The following DNAH14 variants were observed in gnomAD, a reference collection of about 807,000 sequenced individuals.
DNAH14 encodes the protein dynein axonemal heavy chain 14.
DNAH14 carries 478 observed loss-of-function variants against 520.9 expected under a neutral mutation model. That is an observed-to-expected ratio of 0.92 (90% CI 0.85 to 0.99). The LOEUF (loss-of-function observed/expected upper bound fraction) is 0.99. Among genes scored for constraint, DNAH14 ranks in the 50% least tolerant of loss-of-function variants. The pLI is 0.00. For missense variants in DNAH14, 4,831 were observed against 5,234.5 expected (o/e 0.92, Z 2.38); for synonymous variants, 1,581 against 1,757.2 (o/e 0.90, Z 2.51).
At chr1:225,184,121 T>C (rs936433339) in intron 36 of DNAH14, among the ~76,000 whole-genome samples, 2 of 151,928 alleles carry the variant, frequency 1.3e-5, no homozygotes, top group African/African-American at 4.8e-5. Context: ...ACATGCAATA[T>C]CACAATGAAA....
intron 73 of DNAH14, among the ~76,000 whole-genome samples, chr1:225,356,607 A>G (rs1474049817): frequency 6.6e-6 from 1 of 152,196 alleles, no homozygotes; most frequent in East Asian, 1.9e-4. Context: ...AATAATCTGT[A>G]TAGAACAACT....
intron 1 of DNAH14, among the ~76,000 whole-genome samples, chr1:224,941,784 G>C (rs1049908980): frequency 3.2e-4 from 48 of 152,142 alleles, no homozygotes; most frequent in South Asian, 4.1e-4. Flanking sequence ...CCCATTGCTT[G>C]TTTTTGTCAG....
chr1:225,191,030 A>G (rs2085365574), intron 37 of DNAH14, among the ~76,000 whole-genome samples: 2 of 152,018 alleles, frequency 1.3e-5, no homozygotes, highest in Admixed American at 1.3e-4. Context: ...TTGTGTACCC[A>G]TTAATATAGA....
intron 43 of DNAH14, among the ~76,000 whole-genome samples, chr1:225,250,886 C>T (rs1174804432): frequency 6.6e-6 from 1 of 152,050 alleles, no homozygotes; most frequent in African/African-American, 2.4e-5. Context: ...AGTGTGAGAG[C>T]TCCATAAGGG....
intron 61 of DNAH14, among the ~76,000 whole-genome samples, chr1:225,319,552 A>G (rs1418931206): frequency 1.3e-5 from 2 of 152,212 alleles, no homozygotes; most frequent in Admixed American, 1.3e-4. Flanking sequence ...TGATGAAGAG[A>G]TCATATTACA....
intron 44 of DNAH14, among the ~76,000 whole-genome samples, chr1:225,253,009 T>C (rs1001428046): frequency 2.0e-5 from 3 of 152,134 alleles, no homozygotes; most frequent in African/African-American, 7.2e-5. Context: ...TAAATACAAA[T>C]TGAATTGCTT....
chr1:225,155,527 A>AT (rs2080943179), intron 34 of DNAH14, among the ~76,000 whole-genome samples: 2 of 152,216 alleles, frequency 1.3e-5, no homozygotes, highest in African/African-American at 4.8e-5. Context: ...GCACTCATAT[A>AT]TGAAACCCAA....
At chr1:225,260,861 T>G (rs606530) in intron 46 of DNAH14, among the ~76,000 whole-genome samples, 105,904 of 151,956 alleles carry the variant, frequency 0.7, 38,385 homozygotes, top group African/African-American at 0.9. Flanking sequence ...TTCACCTTCT[T>G]GTTATATTTA....
At chr1:225,268,924 A>G (rs1431654484) in intron 49 of DNAH14, among the ~76,000 whole-genome samples, 1 of 152,254 alleles carries the variant, frequency 6.6e-6, no homozygotes, top group Non-Finnish European at 1.5e-5. Flanking sequence ...TATAGATTCA[A>G]TGCCATCCCC....
intron 41 of DNAH14, among the ~76,000 whole-genome samples, chr1:225,213,298 T>G (rs892494397): frequency 1.3e-5 from 2 of 152,168 alleles, no homozygotes; most frequent in Non-Finnish European, 2.9e-5. Context: ...ACCATGCTGT[T>G]TTGGTTACTG....
At chr1:225,027,717 T>C (rs1439132866) in intron 11 of DNAH14, among the ~76,000 whole-genome samples, 1 of 152,102 alleles carries the variant, frequency 6.6e-6, no homozygotes, top group Non-Finnish European at 1.5e-5. Context: ...TCTTTCCCCT[T>C]AATCCAGTCA....
intron 35 of DNAH14, among the ~76,000 whole-genome samples, chr1:225,164,664 T>C (rs538174169): frequency 8.3e-4 from 126 of 152,266 alleles, no homozygotes; most frequent in African/African-American, 2.8e-3. Flanking sequence ...ATGCCTCTTT[T>C]AGCTGATGCC....
chr1:225,188,001 A>G (rs748242802), intron 37 of DNAH14, among the ~76,000 whole-genome samples: 2 of 151,770 alleles, frequency 1.3e-5, no homozygotes, highest in Non-Finnish European at 2.9e-5. Flanking sequence ...TTCCCCACTA[A>G]ATGATCTTGG....
At chr1:225,368,918 T>C (rs2095584384) in intron 77 of DNAH14, among the ~76,000 whole-genome samples, 1 of 152,206 alleles carries the variant, frequency 6.6e-6, no homozygotes, top group African/African-American at 2.4e-5. Context: ...GCATTTGGGA[T>C]ATTTATTTAA....
chr1:225,218,697 C>A (rs557229677), intron 41 of DNAH14, among the ~76,000 whole-genome samples: 1 of 152,174 alleles, frequency 6.6e-6, no homozygotes, highest in African/African-American at 2.4e-5. Context: ...GACTTAGACT[C>A]CCACACAATA....
intron 84 of DNAH14, among the ~76,000 whole-genome samples, chr1:225,398,279 G>C (rs1055366371): frequency 6.6e-6 from 1 of 152,150 alleles, no homozygotes; most frequent in South Asian, 2.1e-4. Flanking sequence ...TGCTGAGGAA[G>C]GGTGTCATGG....
chr1:225,349,145 A>T (rs2095329281), intron 71 of DNAH14, among the ~76,000 whole-genome samples: 1 of 151,986 alleles, frequency 6.6e-6, no homozygotes, highest in South Asian at 2.1e-4. Flanking sequence ...TAATTTTTTT[A>T]AATTTTTGGT....
chr1:225,225,446 G>A (rs1379642345), intron 41 of DNAH14, among the ~76,000 whole-genome samples: 1 of 152,064 alleles, frequency 6.6e-6, no homozygotes, highest in Non-Finnish European at 1.5e-5. Flanking sequence ...TCCAGCTTAT[G>A]CCAGCTCACA....
At chr1:225,201,873 CTTTTTTTTTT>C (rs35342713) in intron 38 of DNAH14, among the ~76,000 whole-genome samples, 2 of 122,548 alleles carry the variant, frequency 1.6e-5, no homozygotes, top group South Asian at 2.6e-4. Flanking sequence ...TTCTTTCTTC[CTTTTTTTTTT>C]TTTTTTTTTG....
Sources: gnomAD v4.1 joint callset for allele counts (sites outside exome capture counted in the v4.1 genomes callset) on GRCh38, gnomAD v4.1.1 for gene constraint, MANE v1.5 for transcripts, NCBI Gene and HGNC (gene_info 2026-07-23, HGNC 2026-07-21) for gene names.